GINS3: variants seen among roughly 807,000 people sequenced by gnomAD.
GINS3 encodes the protein DNA replication complex GINS protein PSF3.
In GINS3, 18 loss-of-function variants were observed where a neutral mutation model predicts 20.0. That is an observed-to-expected ratio of 0.90 (90% CI 0.62 to 1.33). The LOEUF is 1.33. Among genes scored for constraint, GINS3 ranks in the 40% most tolerant of loss-of-function variants. GINS3 has a pLI of 0.00. For synonymous variants in GINS3, 109 were observed against 107.0 expected (o/e 1.02, Z -0.12); for missense variants, 254 against 273.6 (o/e 0.93, Z 0.51).
At chr16:58,395,731 G>T (rs1014609269) in intron 1 of GINS3, among the ~76,000 whole-genome samples, 1 of 152,150 alleles carries the variant, frequency 6.6e-6, no homozygotes, top group Non-Finnish European at 1.5e-5. Context: ...ACGTCTACTT[G>T]TTTCTACACA....
At chr16:58,398,215 A>T (rs961680406) in intron 1 of GINS3, among the ~76,000 whole-genome samples, 4 of 152,202 alleles carry the variant, frequency 2.6e-5, no homozygotes, top group Non-Finnish European at 4.4e-5. Flanking sequence ...ATACATTCAT[A>T]GCTATTCATT....
intron 1 of GINS3, among the ~76,000 whole-genome samples, chr16:58,397,331 G>A (rs570305331): frequency 2.7e-5 from 4 of 148,628 alleles, no homozygotes; most frequent in Non-Finnish European, 4.4e-5. Flanking sequence ...ATGGGATGGC[G>A]GCCGGGCAGA....
At chr16:58,393,414 T>A (rs951230113) in intron 1 of GINS3, 4 of 152,230 alleles carry the variant, frequency 2.6e-5, no homozygotes, top group African/African-American at 7.2e-5. Context: ...AAATATAAAA[T>A]TGTCCCAGGA....
intron 1 of GINS3, among the ~76,000 whole-genome samples, chr16:58,395,909 C>T (rs969357872): frequency 9.9e-5 from 15 of 151,254 alleles, no homozygotes; most frequent in African/African-American, 3.4e-4. Context: ...TAGGGGCGGC[C>T]GGGCAGAGGT....
At chr16:58,404,397 ATTCT>A in intron 2 of GINS3, 98 bp from the exon 3 acceptor site, 2 of 776,274 alleles carry the variant, frequency 2.6e-6, no homozygotes, top group Non-Finnish European at 4.3e-6. Flanking sequence ...CCTACACATC[ATTCT>A]TTCTTTTCAT....
intron 1 of GINS3, chr16:58,395,079 T>C: frequency 4.9e-6 from 2 of 411,844 alleles, no homozygotes; most frequent in Admixed American, 4.1e-5. Flanking sequence ...TTATCTAATT[T>C]TTTTTTTTTT....
intron 1 of GINS3, chr16:58,395,185 C>G (rs567090642): frequency 4.7e-6 from 2 of 422,858 alleles, no homozygotes; most frequent in African/African-American, 2.1e-5. Context: ...CAGAGATCCT[C>G]CCACCTCAGC....
intron 1 of GINS3, among the ~76,000 whole-genome samples, chr16:58,400,809 CTTTT>C (rs575818165): frequency 7.4e-6 from 1 of 135,252 alleles, no homozygotes; most frequent in Admixed American, 7.4e-5. Context: ...AAGAAGTTGG[CTTTT>C]TTTTTTTTTT....
intron 1 of GINS3, among the ~76,000 whole-genome samples, chr16:58,396,290 G>A (rs1396997299): frequency 2.9e-4 from 36 of 124,130 alleles, no homozygotes; most frequent in African/African-American, 7.4e-4. Context: ...CCTCCCGGAC[G>A]GGGCGGCTGG....
chr16:58,392,555 C>A lies in GINS3; in HGVS notation c.-47C>A. The stretch of plus-strand genomic sequence containing the variant: ...TCTTGTACACCCCTAACTCCTGAGG[C>A]TCCTCCGAATCACGCGAGTGGAAGC... On this transcript the variant is annotated 5_prime_UTR_variant, in exon 1 of 3. Transcript: ENST00000318129. The A allele has an allele frequency of 6.3e-7, 1 of 1,599,470 alleles. No homozygotes were observed. Among genetic ancestry groups the A allele is most frequent in the Non-Finnish European group, 8.6e-7 (1 of 1,169,550 alleles).
In GINS3 at chr16:58,405,887, T is replaced by G. The variant is rs1026411878; in HGVS notation, c.*1158T>G. ...TTGTCTTTGGAAATTATAGAGGGATTTGGGTATCCAGATTGTGCAGATGCA... is the reference window on the plus strand; with the variant it reads ...TTGTCTTTGGAAATTATAGAGGGATGTGGGTATCCAGATTGTGCAGATGCA... On this transcript the variant is annotated 3_prime_UTR_variant, in exon 3 of 3. Transcript: ENST00000318129. 3 of 152,218 alleles carry G rather than the reference T, an allele frequency of 2.0e-5. No homozygotes were observed. Among genetic ancestry groups the G allele is most frequent in the African/African-American group, 7.2e-5 (3 of 41,444 alleles). The allele number at this position is 152,218 out of a possible 1,614,324, so 9.4% of individuals were successfully genotyped here.
In GINS3 at chr16:58,406,005, T is replaced by C. The variant is rs969009007; in HGVS notation, c.*1276T>C. 3.3e-5 allele frequency: 5 copies of C among 152,274 alleles called. No individual in the cohort carries two copies. Among genetic ancestry groups the C allele is most frequent in the African/African-American group, 1.2e-4 (5 of 41,470 alleles). 9.4% of individuals were successfully genotyped at this position (152,274 alleles called of 1,614,324 possible). Reference sequence around the variant, plus strand: ...AATTGTTGTTTTTATAATTTGATTTTAGTGCTAAATAAATGATTGGCTTTG... The same window carrying C: ...AATTGTTGTTTTTATAATTTGATTTCAGTGCTAAATAAATGATTGGCTTTG... On this transcript the variant is annotated 3_prime_UTR_variant, in exon 3 of 3. Coordinates refer to ENST00000318129, the MANE Select transcript of GINS3 (RefSeq NM_022770.4).
intron 1 of GINS3, among the ~76,000 whole-genome samples, chr16:58,402,723 T>A (rs1418197075): frequency 1.3e-5 from 2 of 152,182 alleles, no homozygotes; most frequent in Non-Finnish European, 2.9e-5. Flanking sequence ...GCTCAGTACA[T>A]AGCAGGCACT....
chr16:58,393,028 G>A (rs910552139), intron 1 of GINS3, among the ~76,000 whole-genome samples: 1 of 152,208 alleles, frequency 6.6e-6, no homozygotes, highest in African/African-American at 2.4e-5. Context: ...TCGCCAGGCA[G>A]CCTCCAACAT....
intron 1 of GINS3, among the ~76,000 whole-genome samples, chr16:58,401,632 T>A (rs1358619355): frequency 1.3e-5 from 2 of 152,192 alleles, no homozygotes; most frequent in Non-Finnish European, 2.9e-5. Flanking sequence ...GCATTTACAA[T>A]CCTTTAGCTA....
chr16:58,397,335 G>A (rs566723102), intron 1 of GINS3, among the ~76,000 whole-genome samples: 3 of 148,878 alleles, frequency 2.0e-5, no homozygotes, highest in Non-Finnish European at 3.0e-5. Context: ...GATGGCGGCC[G>A]GGCAGAGACG....
chr16:58,395,338 T>A (rs1965839205), intron 1 of GINS3: 1 of 152,990 alleles, frequency 6.5e-6, no homozygotes, highest in South Asian at 2.3e-4. Context: ...TATATATATA[T>A]TTTTTTTTTA....
At chr16:58,402,845 C>T in intron 1 of GINS3, 1 of 534,054 alleles carries the variant, frequency 1.9e-6, no homozygotes, top group Non-Finnish European at 3.3e-6. Flanking sequence ...TTAGAAAACT[C>T]TCACTTATGC....
chr16:58,398,353 T>C (rs1456555469), intron 1 of GINS3, among the ~76,000 whole-genome samples: 1 of 152,204 alleles, frequency 6.6e-6, no homozygotes, highest in Non-Finnish European at 1.5e-5. Context: ...CTCACACCTA[T>C]AGACCCAACA....
Sources: allele counts gnomAD v4.1 joint callset (sites outside exome capture counted in the v4.1 genomes callset), GRCh38; gene constraint gnomAD v4.1.1; transcripts MANE v1.5; gene names NCBI Gene and HGNC (gene_info 2026-07-23, HGNC 2026-07-21).